Variants in CACNB2 observed in about 807,000 individuals in gnomAD.
CACNB2 encodes the protein calcium voltage-gated channel auxiliary subunit beta 2, also known as voltage-dependent L-type calcium channel subunit beta-2.
CACNB2 carries 42 observed loss-of-function variants against 73.3 expected under a neutral mutation model. The ratio of observed to expected loss-of-function variants is 0.57; its 90% CI spans 0.45 to 0.74. CACNB2 has a LOEUF of 0.74. Among genes scored for constraint, CACNB2 ranks in the 30% least tolerant of loss-of-function variants. The pLI, the probability that CACNB2 is intolerant of heterozygous loss-of-function variation, is 0.00. For synonymous variants in CACNB2, 348 were observed against 310.3 expected, an observed-to-expected ratio of 1.12 and a Z score of -1.28; for missense variants, 940 against 853.0, an observed-to-expected ratio of 1.10 and a Z score of -1.27.
Position 18,478,232 on chromosome 10 carries a change from G to A in CACNB2, c.334-20123G>A, listed in dbSNP as rs138342421. ...CAGGCGTGAGCCACCATGCCTGGCC[G>A]GAGTTTTTATTTTCCTTTTACAAGT... is the stretch of plus-strand genomic sequence containing the variant. On this transcript the variant is annotated intron_variant, in intron 3 of 13. Coordinates refer to ENST00000324631, the MANE Select transcript of CACNB2 (RefSeq NM_201596.3). Among the ~76,000 whole-genome samples, 22 of 152,168 alleles carry A rather than the reference G, an allele frequency of 1.4e-4. No homozygotes were observed. In the East Asian group the frequency reaches 2.5e-3, roughly 17 times the overall value.
At chr10:18,278,108 A>G (rs1291006737) in intron 2 of CACNB2, among the ~76,000 whole-genome samples, 2 of 152,210 alleles carry the variant, frequency 1.3e-5, no homozygotes, top group Admixed American at 6.5e-5. Context: ...TGTTGTTATT[A>G]TGTAGATTAA....
At chr10:18,163,144 A>G (rs1223446045) in intron 2 of CACNB2, among the ~76,000 whole-genome samples, 1 of 152,150 alleles carries the variant, frequency 6.6e-6, no homozygotes, top group Non-Finnish European at 1.5e-5. Context: ...TCATTTGATA[A>G]AAGGTGGTAA....
intron 1 of CACNB2, among the ~76,000 whole-genome samples, chr10:18,146,952 G>A (rs373794463): frequency 8.5e-5 from 13 of 152,126 alleles, no homozygotes; most frequent in African/African-American, 3.1e-4. Context: ...TTTGCTCATG[G>A]GAAGTAATCT....
chr10:18,443,107 T>C (rs2046556722), intron 3 of CACNB2, among the ~76,000 whole-genome samples: 3 of 149,838 alleles, frequency 2.0e-5, no homozygotes, highest in Non-Finnish European at 4.4e-5. Context: ...TTTCTACACA[T>C]TTTTGTTTTT....
chr10:18,485,041 G>C (rs965718394), intron 3 of CACNB2, among the ~76,000 whole-genome samples: 7 of 152,030 alleles, frequency 4.6e-5, no homozygotes, highest in African/African-American at 1.4e-4. Flanking sequence ...TGTAATCCCA[G>C]CTACTTGGGA....
chr10:18,209,796 T>G (rs2131346104), intron 2 of CACNB2, among the ~76,000 whole-genome samples: 1 of 152,276 alleles, frequency 6.6e-6, no homozygotes, highest in Non-Finnish European at 1.5e-5. Context: ...ATTTACATGT[T>G]GAATATTTCT....
At chr10:18,220,967 A>G (rs1439765702) in intron 2 of CACNB2, among the ~76,000 whole-genome samples, 3 of 152,208 alleles carry the variant, frequency 2.0e-5, no homozygotes, top group Admixed American at 2.0e-4. Context: ...TGAAGTTTGA[A>G]TGGTTCCCTT....
chr10:18,224,996 A>C (rs1054580655), intron 2 of CACNB2, among the ~76,000 whole-genome samples: 2 of 152,080 alleles, frequency 1.3e-5, no homozygotes, highest in Admixed American at 6.5e-5. Flanking sequence ...TTCGCTCTCT[A>C]TGGCCCTTGT....
intron 2 of CACNB2, among the ~76,000 whole-genome samples, chr10:18,378,558 G>C (rs1357966722): frequency 6.6e-6 from 1 of 152,160 alleles, no homozygotes; most frequent in African/African-American, 2.4e-5. Flanking sequence ...AGACCAGCCT[G>C]AACAACATAG....
chr10:18,448,479 T>TAAAAAAAAAAAAAA, intron 3 of CACNB2, among the ~76,000 whole-genome samples: 1 of 107,064 alleles, frequency 9.3e-6, no homozygotes, highest in African/African-American at 3.5e-5. Flanking sequence ...CTCTCTCATT[T>TAAAAAAAAAAAAAA]AAAAAAAAAA....
chr10:18,468,284 C>CA (rs1564583663), intron 3 of CACNB2, among the ~76,000 whole-genome samples: 1 of 152,064 alleles, frequency 6.6e-6, no homozygotes, highest in Non-Finnish European at 1.5e-5. Flanking sequence ...ATGGCGAAAA[C>CA]CCATCTCCAC....
intron 2 of CACNB2, among the ~76,000 whole-genome samples, chr10:18,386,079 C>T (rs151110958): frequency 4.7e-4 from 72 of 152,266 alleles, no homozygotes; most frequent in African/African-American, 1.7e-3. Context: ...TGTGAGAGGA[C>T]CACACTAACA....
At chr10:18,403,725 TA>T (rs2044130870) in intron 3 of CACNB2, among the ~76,000 whole-genome samples, 1 of 152,054 alleles carries the variant, frequency 6.6e-6, no homozygotes, top group Non-Finnish European at 1.5e-5. Flanking sequence ...TCCTACAGCC[TA>T]AAAAGATGAT....
At chr10:18,235,613 T>C (rs2131472732) in intron 2 of CACNB2, among the ~76,000 whole-genome samples, 1 of 151,978 alleles carries the variant, frequency 6.6e-6, no homozygotes, top group Middle Eastern at 3.4e-3. Flanking sequence ...TGGTTGAGAG[T>C]AGTTGCTGTT....
At chr10:18,379,063 A>C (rs899119126) in intron 2 of CACNB2, among the ~76,000 whole-genome samples, 3 of 152,160 alleles carry the variant, frequency 2.0e-5, no homozygotes, top group Non-Finnish European at 2.9e-5. Flanking sequence ...TCTGTGTGTC[A>C]GTTTTTTATT....
At chr10:18,290,897 C>T (rs2039037772) in intron 2 of CACNB2, among the ~76,000 whole-genome samples, 1 of 152,240 alleles carries the variant, frequency 6.6e-6, no homozygotes, top group African/African-American at 2.4e-5. Context: ...GAGAGGAACG[C>T]AAGGGCACAG....
chr10:18,473,634 G>A (rs1217330378), intron 3 of CACNB2, among the ~76,000 whole-genome samples: 1 of 152,194 alleles, frequency 6.6e-6, no homozygotes, highest in African/African-American at 2.4e-5. Context: ...GTGCACTGGT[G>A]TGTTAGTAAG....
chr10:18,345,083 T>G (rs2041393771), intron 2 of CACNB2, among the ~76,000 whole-genome samples: 1 of 152,248 alleles, frequency 6.6e-6, no homozygotes, highest in Admixed American at 6.5e-5. Context: ...TTTGGACTTT[T>G]TAATTGATTT....
chr10:18,229,906 G>T (rs1237093386), intron 2 of CACNB2, among the ~76,000 whole-genome samples: 2 of 152,136 alleles, frequency 1.3e-5, no homozygotes, highest in East Asian at 3.8e-4. Context: ...ACTGGAATAT[G>T]CCATGCAACC....
Sources: allele counts gnomAD v4.1 joint callset (sites outside exome capture counted in the v4.1 genomes callset), GRCh38; gene constraint gnomAD v4.1.1; transcripts MANE v1.5; gene names NCBI Gene and HGNC (gene_info 2026-07-23, HGNC 2026-07-21).